Variants in EPHA1 observed in about 807,000 individuals in gnomAD.
The protein encoded by EPHA1 is ephrin type-A receptor 1.
A neutral mutation model predicts 110.1 loss-of-function variants in EPHA1; 92 were observed. The ratio of observed to expected loss-of-function variants is 0.84; its 90% CI spans 0.71 to 0.99. The LOEUF (loss-of-function observed/expected upper bound fraction) is 0.99, where lower values mean the gene tolerates loss of function less well. Among genes scored for constraint, EPHA1 ranks in the 50% least tolerant of loss-of-function variants. EPHA1 has a pLI of 0.00. For missense variants in EPHA1, 1,204 were observed against 1,285.4 expected, an observed-to-expected ratio of 0.94 and a Z score of 0.97; for synonymous variants, 500 against 516.1, an observed-to-expected ratio of 0.97 and a Z score of 0.42.
At position 143,394,907 on chromosome 7, in the gene EPHA1, A is replaced by G. The variant is rs753178875; in HGVS notation, c.2253T>C (p.Ala751=). ...TTTGATTCACCAAGATGTTTCTGGC[A>G]GCCAGGTCCCGGTGGACATAATTGT... ...SNHNYVHRDL[A]ARNILVNQNL... is the part of the protein sequence containing the mutation. The change falls in exon 14 of 18, where the codon GCT becomes GCC. Residue 751 remains alanine, a synonymous_variant. Coordinates refer to ENST00000275815, the MANE Select transcript of EPHA1 (RefSeq NM_005232.5). 12 of 1,613,756 alleles carry G rather than the reference A, an allele frequency of 7.4e-6. No individual in the cohort carries two copies. Among genetic ancestry groups the G allele is most frequent in the Admixed American group, 1.7e-5 (1 of 59,986 alleles).
chr7:143,408,537 C>T (rs966175711), intron 1 of EPHA1, among the ~76,000 whole-genome samples, 187 bp downstream of exon 1: 1 of 151,924 alleles, frequency 6.6e-6, no homozygotes, highest in Non-Finnish European at 1.5e-5. Flanking sequence ...AGAGCAGCCG[C>T]TTGGGGTTAA....
In EPHA1 at chr7:143,401,563, T is replaced by C. The variant is rs376995026; in HGVS notation, c.193A>G (p.Met65Val). Residue 65 changes from methionine to valine, a missense_variant, in exon 3 of 18, where the codon ATG becomes GTG. Met to Val is a conservative substitution (Grantham distance 21). Transcript: ENST00000275815. This position sits in a 1 kb window ranked among gnomAD's most constrained non-coding sequence, Gnocchi z 4.1. ...CCTTGCATTGGGCAGTCCTGGTACATGTACAGGGGTGTCCCATTCAGTATC... is the reference window on the plus strand; with the variant it reads ...CCTTGCATTGGGCAGTCCTGGTACACGTACAGGGGTGTCCCATTCAGTATC... ...QQILNGTPLY[M>V]YQDCPMQGRR... The C allele has an allele frequency of 4.3e-6, 7 of 1,614,040 alleles. No homozygotes were observed. Among genetic ancestry groups the C allele is most frequent in the South Asian group, 1.1e-5 (1 of 91,084 alleles).
intron 14 of EPHA1, among the ~76,000 whole-genome samples, chr7:143,394,568 C>T (rs751736887): frequency 2.6e-5 from 4 of 152,084 alleles, no homozygotes; most frequent in Non-Finnish European, 5.9e-5. Context: ...CTACAGGCGC[C>T]TGCCACCATG....
chr7:143,393,855 T>G lies in EPHA1; in HGVS notation c.2512A>C (p.Ser838Arg), dbSNP rs1008251277. 2 of 1,564,442 alleles carry G rather than the reference T, an allele frequency of 1.3e-6. No homozygotes were observed. The highest frequency in any genetic ancestry group is 1.7e-6 in the Non-Finnish European group (2 of 1,152,184). Residue 838 changes from serine (S) to arginine (R), a missense_variant, in exon 16 of 18, where the codon AGC (serine) becomes CGC (arginine). By Grantham distance (110) the Ser-to-Arg change is moderately radical. Coordinates refer to ENST00000275815, the MANE Select transcript of EPHA1 (RefSeq NM_005232.5). This position sits in a 1 kb window ranked among gnomAD's most constrained non-coding sequence, Gnocchi z 5.6. ...GEMSNQEVMKSIEDGYRLPPP... is the reference protein window; with the variant it reads ...GEMSNQEVMKRIEDGYRLPPP... ...GGCAACCGGTACCCATCCTCAATGCTCTTCATAACCTGCACGGCGGGACAG... is the reference window on the plus strand; with the variant it reads ...GGCAACCGGTACCCATCCTCAATGCGCTTCATAACCTGCACGGCGGGACAG...
In EPHA1 at chr7:143,396,432, C is replaced by T. The variant is rs138935836; in HGVS notation, c.1850G>A (p.Arg617Gln). 41 of 1,613,628 alleles carry T rather than the reference C, an allele frequency of 2.5e-5. No homozygotes were observed. Among genetic ancestry groups the T allele is most frequent in the African/African-American group, 1.9e-4 (14 of 74,910 alleles). ...DPAQGALDFTRELDPAWLMVD... is the reference protein window; with the variant it reads ...DPAQGALDFTQELDPAWLMVD... ...CATCAGCCACGCTGGATCAAGCTCC[C>T]GGGTAAAGTCCAGGGCTCCCTGTGC... Residue 617 changes from arginine to glutamine, a missense_variant, in exon 11 of 18, where the codon CGG becomes CAG. Physicochemically the swap from Arg to Gln is conservative, Grantham distance 43. Transcript: ENST00000275815.
At position 143,398,420 on chromosome 7, in the gene EPHA1, C is replaced by T; in HGVS notation, c.1365G>A (p.Leu455=). Residue 455 remains leucine (L), a synonymous_variant, in exon 7 of 18, where the codon CTG becomes CTA. Transcript: ENST00000275815. ...CTAGTTGCCTCGGTTCTTTCTTCAC[C>T]AGTCTCAGAGACAGGCCTGACAGTG... ...AESLSGLSLR[L]VKKEPRQLEL... 1 of 1,614,162 alleles carries T rather than the reference C, an allele frequency of 6.2e-7. No individual in the cohort carries two copies. Among genetic ancestry groups the T allele is most frequent in the Non-Finnish European group, 8.5e-7 (1 of 1,180,010 alleles).
chr7:143,391,702 A>AAAGATCC lies in EPHA1; in HGVS notation c.2769_2770insGGATCTT (p.Ser924GlyfsTer30), dbSNP rs764364079. 2 of 1,613,350 alleles carry AAAGATCC rather than the reference A, an allele frequency of 1.2e-6. No homozygotes were observed. Among genetic ancestry groups the AAAGATCC allele is most frequent in the Non-Finnish European group, 1.7e-6 (2 of 1,179,924 alleles). Reference sequence around the variant, plus strand: ...AGGATGTAGCGTTTCATGCGTATGGACTCGAGCCACTCAGAGACGGTTCGA... The same window carrying AAAGATCC: ...AGGATGTAGCGTTTCATGCGTATGGAAAGATCCCTCGAGCCACTCAGAGACGGTTCGA... On this transcript the variant is annotated frameshift_variant, in exon 17 of 18. Transcript: ENST00000275815. LOFTEE classifies it high-confidence loss of function.
chr7:143,393,543 C>A lies in EPHA1; in HGVS notation c.2696+128G>T, dbSNP rs921792456. On this transcript the variant is annotated intron_variant, in intron 16 of 17. Coordinates refer to ENST00000275815, the MANE Select transcript of EPHA1 (RefSeq NM_005232.5). This position sits in a 1 kb window ranked among gnomAD's most constrained non-coding sequence, Gnocchi z 5.6. Reference sequence around the variant, plus strand: ...TCTTGGACTCTCCCCAAGGGCACGTCTTGCCTCATACACTGGACTTGGTCC... The same window carrying A: ...TCTTGGACTCTCCCCAAGGGCACGTATTGCCTCATACACTGGACTTGGTCC... 1.4e-5 allele frequency: 15 copies of A among 1,035,174 alleles called. No homozygotes were observed. In the Admixed American group the frequency reaches 3.6e-4, roughly 25 times the overall value. 64.1% of individuals were successfully genotyped at this position (1,035,174 alleles called of 1,614,324 possible). A position where few individuals can be genotyped will look rare whatever the true frequency, so the allele number is the denominator to read the frequency against.
In EPHA1 at chr7:143,398,388, G is replaced by T. The variant is rs539891278; in HGVS notation, c.1397C>A (p.Thr466Asn). Residue 466 changes from threonine to asparagine, a missense_variant, in exon 7 of 18, where the codon ACC becomes AAC. Transcript: ENST00000275815. ...GCTTCGGGGCCGGGACCCCGCCCAG[G>T]TCAGCTCTAGTTGCCTCGGTTCTTT... Reference protein sequence around the residue: ...VKKEPRQLELTWAGSRPRSPG... With the variant: ...VKKEPRQLELNWAGSRPRSPG... 1.2e-6 allele frequency: 2 copies of T among 1,614,152 alleles called. No homozygotes were observed. The highest frequency in any genetic ancestry group is 1.1e-5 in the South Asian group (1 of 91,086).
intron 5 of EPHA1, 33 bp downstream of exon 5, chr7:143,399,225 T>C: frequency 6.3e-7 from 1 of 1,595,572 alleles, no homozygotes; most frequent in Non-Finnish European, 8.5e-7. Flanking sequence ...AGCCCCTCCC[T>C]CCAGATGGCC....
chr7:143,401,670 G>T lies in EPHA1; in HGVS notation c.151-65C>A. On this transcript the variant is annotated intron_variant, in intron 2 of 17. Transcript: ENST00000275815. This position sits in a 1 kb window ranked among gnomAD's most constrained non-coding sequence, Gnocchi z 4.1. ...CTGCTCCCCAAACCCTTGGTTTTTA[G>T]AGCTGATGGAGAAGCAGCTGTGTCA... 6.4e-7 allele frequency: 1 copy of T among 1,561,172 alleles called. No individual in the cohort carries two copies. Among genetic ancestry groups the T allele is most frequent in the Non-Finnish European group, 8.7e-7 (1 of 1,149,126 alleles).
At position 143,397,307 on chromosome 7, in the gene EPHA1, G is replaced by A. The variant is rs776941825; in HGVS notation, c.1768C>T (p.Arg590Ter). The stretch of plus-strand genomic sequence containing the variant: ...CACGCAGGTGCACCCGACTCACCTC[G>A]ATCCACATCGGTGGCGCGGTCACGC... ...RQRDRATDVD[R>*]EDKLWLKPYV... Residue 590 changes from arginine to a stop codon, truncating the protein, a stop_gained, in exon 10 of 18, where the codon CGA becomes TGA. Coordinates refer to ENST00000275815, the MANE Select transcript of EPHA1 (RefSeq NM_005232.5). LOFTEE classifies it high-confidence loss of function. The A allele has an allele frequency of 5.2e-5, 81 of 1,549,098 alleles. No homozygotes were observed. Among genetic ancestry groups the A allele is most frequent in the Non-Finnish European group, 5.5e-5 (63 of 1,146,604 alleles).
chr7:143,399,045 AG>A, intron 5 of EPHA1, 100 bp from the exon 6 acceptor site: 1 of 1,273,070 alleles, frequency 7.9e-7, no homozygotes, highest in Non-Finnish European at 1.1e-6. Context: ...TGTCCTCTGA[AG>A]TCCTCTTGGG....
At chr7:143,407,441 C>T (rs753224113) in intron 2 of EPHA1, among the ~76,000 whole-genome samples, 170 bp downstream of exon 2, 2 of 152,006 alleles carry the variant, frequency 1.3e-5, no homozygotes, top group Non-Finnish European at 2.9e-5. Flanking sequence ...GTCTGACCCC[C>T]CCACCCCTTG....
At position 143,393,395 on chromosome 7, in the gene EPHA1, C is replaced by A. The variant is rs533653784; in HGVS notation, c.2696+276G>T. Among the ~76,000 whole-genome samples the A allele has an allele frequency of 6.6e-6, 1 of 152,250 alleles. No individual in the cohort carries two copies. Among genetic ancestry groups the A allele is most frequent in the South Asian group, 2.1e-4 (1 of 4,820 alleles). ...TTGGCAAGGATGGCTCCGGGAGTGTCTTAGGTGAGGCTGCCTGAGAAGAGA... is the reference window on the plus strand; with the variant it reads ...TTGGCAAGGATGGCTCCGGGAGTGTATTAGGTGAGGCTGCCTGAGAAGAGA... On this transcript the variant is annotated intron_variant, in intron 16 of 17. Coordinates refer to ENST00000275815, the MANE Select transcript of EPHA1 (RefSeq NM_005232.5). The surrounding 1 kb of genome is among the most constrained non-coding windows in gnomAD (Gnocchi z 5.6).
intron 5 of EPHA1, 132 bp from the exon 6 acceptor site, chr7:143,399,077 T>C: frequency 8.2e-7 from 1 of 1,215,840 alleles, no homozygotes; most frequent in Non-Finnish European, 1.2e-6. Context: ...TTCTACTGGG[T>C]TTGACTACAT....
intron 14 of EPHA1, 101 bp from the exon 15 acceptor site, chr7:143,394,444 C>A: frequency 7.3e-7 from 1 of 1,364,564 alleles, no homozygotes; most frequent in South Asian, 1.5e-5. Context: ...TTTTTTGAGA[C>A]AAAGTCTCGC....
intron 10 of EPHA1, 24 bp from the exon 11 acceptor site, chr7:143,396,534 G>A: frequency 6.2e-7 from 1 of 1,612,362 alleles, no homozygotes. Context: ...ATGAGGTTGG[G>A]GAGTACCAAC....
chr7:143,394,579 C>A (rs191533819), intron 14 of EPHA1, among the ~76,000 whole-genome samples: 1 of 152,110 alleles, frequency 6.6e-6, no homozygotes, highest in African/African-American at 2.4e-5. Context: ...TGCCACCATG[C>A]CCAGCTAATT....
Sources: allele counts gnomAD v4.1 joint callset (sites outside exome capture counted in the v4.1 genomes callset), GRCh38; gene constraint gnomAD v4.1.1; non-coding constraint Gnocchi (gnomAD v3.1); transcripts MANE v1.5; gene names NCBI Gene and HGNC (gene_info 2026-07-23, HGNC 2026-07-21).